The following COL24A1 variants were observed in gnomAD, a reference collection of about 807,000 sequenced individuals.
The protein encoded by COL24A1 is collagen alpha-1(XXIV) chain.
COL24A1 carries 224 observed loss-of-function variants against 253.9 expected under a neutral mutation model. The ratio of observed to expected loss-of-function variants is 0.88; its 90% CI spans 0.79 to 0.99. The LOEUF (loss-of-function observed/expected upper bound fraction) is 0.99. Ranked by LOEUF, COL24A1 falls within the 50% of genes least tolerant of loss-of-function variation. The probability of loss-of-function intolerance (pLI) is 0.00; values close to 1 mark genes in which losing one functional copy is unlikely to be tolerated. For missense variants in COL24A1, 2,131 were observed against 2,068.5 expected (o/e 1.03, Z -0.59); for synonymous variants, 685 against 673.7 (o/e 1.02, Z -0.26).
In COL24A1 at chr1:86,133,466, A is replaced by G. The variant is rs963942867; in HGVS notation, c.122-7252T>C. On this transcript the variant is annotated intron_variant, in intron 2 of 59. Transcript: ENST00000370571. ...GGAATGCTTCCAGTTTTTCCCATTC[A>G]GTAGATATTGGCTGTGGGTTTGTCA... 4.6e-5 allele frequency among the ~76,000 whole-genome samples: 7 copies of G among 152,294 alleles called. No homozygotes were observed. In the South Asian group the frequency reaches 8.3e-4, roughly 18 times the overall value.
At chr1:86,079,656 T>C (rs1043384837) in intron 7 of COL24A1, among the ~76,000 whole-genome samples, 2 of 152,054 alleles carry the variant, frequency 1.3e-5, no homozygotes, top group African/African-American at 4.8e-5. Context: ...TTTTTCAAAA[T>C]GAGACAAGGA....
chr1:86,037,808 ATCT>A (rs1465763920), intron 12 of COL24A1, among the ~76,000 whole-genome samples: 2 of 151,896 alleles, frequency 1.3e-5, no homozygotes, highest in Non-Finnish European at 2.9e-5. Context: ...TGGTAATTAA[ATCT>A]TCTTTAGAGA....
chr1:85,829,878 A>G (rs576270097), intron 43 of COL24A1, among the ~76,000 whole-genome samples: 6 of 152,142 alleles, frequency 3.9e-5, no homozygotes, highest in Non-Finnish European at 5.9e-5. Flanking sequence ...ATTTCCTCCC[A>G]TAGCTCGGAG....
intron 59 of COL24A1, among the ~76,000 whole-genome samples, chr1:85,734,423 T>C (rs541404900): frequency 3.3e-5 from 5 of 152,202 alleles, no homozygotes; most frequent in African/African-American, 4.8e-5. Context: ...ACACTATCTA[T>C]TTATCATTTA....
At chr1:85,938,793 T>A (rs959306266) in intron 24 of COL24A1, among the ~76,000 whole-genome samples, 2 of 118,522 alleles carry the variant, frequency 1.7e-5, no homozygotes, top group Non-Finnish European at 3.7e-5. Context: ...TTTCCCAGGT[T>A]GGTCCATATA....
rs114932176 is a variant in COL24A1 at position 85,787,872 on chromosome 1, T to C, written c.3952-1411A>G. ...AACAGTGTAAAAGTGTTCCTATTTC[T>C]CTGCAGCCCTGCAAGTATCTGTTGT... On this transcript the variant is annotated intron_variant, in intron 47 of 59. Coordinates refer to ENST00000370571, the MANE Select transcript of COL24A1 (RefSeq NM_152890.7). 6.4e-3 allele frequency among the ~76,000 whole-genome samples: 976 copies of C among 152,306 alleles called. 13 individuals carry two copies. The highest frequency in any genetic ancestry group is 0.023 in the African/African-American group (936 of 41,562).
At position 85,942,694 on chromosome 1, in the gene COL24A1, C is replaced by G. The variant is rs531583511; in HGVS notation, c.2562+18555G>C. Among the ~76,000 whole-genome samples the G allele has an allele frequency of 8.5e-5, 13 of 152,148 alleles. No homozygotes were observed. In the South Asian group the frequency reaches 1.5e-3, roughly 17 times the overall value. On this transcript the variant is annotated intron_variant, in intron 24 of 59. Coordinates refer to ENST00000370571, the MANE Select transcript of COL24A1 (RefSeq NM_152890.7). ...AATCAAAATCCTCAACATTAAAATC[C>G]CTAATGTTGAAATCCTGAAAGTTGA...
At chr1:86,142,188 GA>G (rs536712197) in intron 2 of COL24A1, among the ~76,000 whole-genome samples, 145 of 141,718 alleles carry the variant, frequency 1.0e-3, no homozygotes, top group African/African-American at 2.4e-3. Context: ...AGAACAGGAT[GA>G]AAAAAAAAAA....
intron 11 of COL24A1, among the ~76,000 whole-genome samples, chr1:86,048,078 T>C (rs1303755975): frequency 1.3e-5 from 2 of 152,150 alleles, no homozygotes; most frequent in Non-Finnish European, 2.9e-5. Flanking sequence ...ACAATCTTTT[T>C]TAAAAAAATA....
chr1:85,747,284 T>C (rs1327884644), intron 55 of COL24A1, among the ~76,000 whole-genome samples: 2 of 151,690 alleles, frequency 1.3e-5, no homozygotes, highest in East Asian at 3.9e-4. Flanking sequence ...CAGCTAATTT[T>C]TGTATTTTTG....
chr1:86,148,961 C>T (rs1356167901), intron 1 of COL24A1, among the ~76,000 whole-genome samples: 1 of 152,106 alleles, frequency 6.6e-6, no homozygotes, highest in East Asian at 1.9e-4. Context: ...TTTACAGTCC[C>T]ACCAACAGTG....
chr1:86,059,251 G>T, intron 8 of COL24A1, 77 bp from the exon 9 acceptor site: 5 of 1,046,822 alleles, frequency 4.8e-6, no homozygotes, highest in South Asian at 1.6e-5. Flanking sequence ...ACACAAGCTT[G>T]GAAATAATTT....
intron 19 of COL24A1, among the ~76,000 whole-genome samples, chr1:85,997,053 G>GTATATATATATATATATATATATATA (rs1459075915): frequency 1.5e-5 from 1 of 64,710 alleles, no homozygotes; most frequent in African/African-American, 4.8e-5. Flanking sequence ...GTGTGTGTGT[G>GTATATATATATATATATATATATATA]TGTATATATA....
At chr1:86,050,299 G>T in intron 10 of COL24A1, 122 bp from the exon 11 acceptor site, 1 of 605,240 alleles carries the variant, frequency 1.7e-6, no homozygotes. Context: ...TTACAAGTGC[G>T]AATAACTTCC....
intron 37 of COL24A1, among the ~76,000 whole-genome samples, chr1:85,864,123 C>A (rs1273425996): frequency 6.6e-6 from 1 of 152,100 alleles, no homozygotes; most frequent in Non-Finnish European, 1.5e-5. Context: ...CAGCACTATT[C>A]ACAATAGCAA....
Position 85,838,585 on chromosome 1 carries a change from C to T in COL24A1, c.3681G>A (p.Lys1227=), listed in dbSNP as rs764469260. 8.7e-6 allele frequency: 14 copies of T among 1,613,302 alleles called. No individual in the cohort carries two copies. The highest frequency in any genetic ancestry group is 1.7e-5 in the Admixed American group (1 of 59,974). The change falls in exon 43 of 60, where the codon AAG becomes AAA. Residue 1227 remains lysine (K), a splice_region_variant and synonymous_variant. Coordinates refer to ENST00000370571, the MANE Select transcript of COL24A1 (RefSeq NM_152890.7). The part of the protein sequence containing the change: ...ERGEPGAEGY[K]GHVGVPGLRG... ...AGTAAGGGGTATAACTTGCAATTAC[C>T]TTATATCCCTCTGCTCCAGGCTCTC...
intron 2 of COL24A1, among the ~76,000 whole-genome samples, chr1:86,136,698 T>C (rs1650305558): frequency 6.6e-6 from 1 of 151,980 alleles, no homozygotes; most frequent in African/African-American, 2.4e-5. Flanking sequence ...CCACACGACC[T>C]CTCAGCCATT....
At chr1:85,816,736 A>C in intron 47 of COL24A1, 52 bp downstream of exon 47, 1 of 1,449,476 alleles carries the variant, frequency 6.9e-7, no homozygotes, top group Non-Finnish European at 9.7e-7. Flanking sequence ...TGGTCTAGCA[A>C]GGAGACACAT....
chr1:85,847,761 T>G lies in COL24A1; in HGVS notation c.3366A>C (p.Gly1122=). 6.2e-7 allele frequency: 1 copy of G among 1,612,998 alleles called. No homozygotes were observed. Residue 1122 remains glycine (G), a synonymous_variant, in exon 39 of 60, where the codon GGA becomes GGC. Coordinates refer to ENST00000370571, the MANE Select transcript of COL24A1 (RefSeq NM_152890.7). ...CAACTTCTCCTGTGGGTCCTATTTG[T>G]CCTTTATCACCCTGTGGATGACATT... is the stretch of plus-strand genomic sequence containing the variant. The part of the protein sequence containing the change: ...RGRPGKKGDK[G]QIGPTGEVGS...
Sources: allele counts gnomAD v4.1 joint callset (sites outside exome capture counted in the v4.1 genomes callset), GRCh38; gene constraint gnomAD v4.1.1; transcripts MANE v1.5; gene names NCBI Gene and HGNC (gene_info 2026-07-23, HGNC 2026-07-21).